The following NYAP2 variants were observed in gnomAD, a reference collection of about 807,000 sequenced individuals.
The protein encoded by NYAP2 is neuronal tyrosine-phosphorylated phosphoinositide-3-kinase adapter 2.
Under a neutral mutation model 50.4 loss-of-function variants are expected in NYAP2, and 23 were observed. The observed-to-expected ratio is 0.46, with a 90% confidence interval of 0.33 to 0.65. NYAP2 has a LOEUF of 0.65. Among genes scored for constraint, NYAP2 ranks in the 30% least tolerant of loss-of-function variants. NYAP2 has a pLI of 0.02. For synonymous variants in NYAP2, 394 were observed against 365.2 expected, an observed-to-expected ratio of 1.08 and a Z score of -0.90; for missense variants, 885 against 861.0, an observed-to-expected ratio of 1.03 and a Z score of -0.35.
At chr2:225,558,043 C>T (rs188926384) in intron 4 of NYAP2, among the ~76,000 whole-genome samples, 34 of 152,208 alleles carry the variant, frequency 2.2e-4, no homozygotes, top group African/African-American at 8.2e-4. Flanking sequence ...CTGTGTACTG[C>T]TTTGGGGATT....
chr2:225,415,512 T>G (rs1695107877), intron 3 of NYAP2, among the ~76,000 whole-genome samples: 1 of 152,146 alleles, frequency 6.6e-6, no homozygotes, highest in Non-Finnish European at 1.5e-5. Flanking sequence ...CCTCTTTAGA[T>G]AGTAATGACT....
intron 4 of NYAP2, among the ~76,000 whole-genome samples, chr2:225,579,337 A>G (rs1574689527): frequency 6.6e-6 from 1 of 152,158 alleles, no homozygotes; most frequent in South Asian, 2.1e-4. Flanking sequence ...TAAGAGCCAT[A>G]TGTTATATTT....
the NYAP2 span, among the ~76,000 whole-genome samples, chr2:225,674,779 A>G: frequency 6.6e-6 from 1 of 152,102 alleles, no homozygotes; most frequent in African/African-American, 2.4e-5. Context: ...AGGGAACAGG[A>G]GGTTAAATTT....
intron 3 of NYAP2, among the ~76,000 whole-genome samples, chr2:225,446,206 CTG>C (rs1356045945): frequency 5.1e-5 from 3 of 59,100 alleles, no homozygotes; most frequent in Admixed American, 1.8e-4. Context: ...GTCTGTCTGT[CTG>C]TCTGTCTGTC....
intron 3 of NYAP2, among the ~76,000 whole-genome samples, chr2:225,488,671 C>G (rs1242131042): frequency 6.6e-6 from 1 of 152,176 alleles, no homozygotes; most frequent in Non-Finnish European, 1.5e-5. Flanking sequence ...CCATACCCAG[C>G]CTTTGACAGG....
At chr2:225,436,909 T>C (rs1279331153) in intron 3 of NYAP2, among the ~76,000 whole-genome samples, 3 of 152,030 alleles carry the variant, frequency 2.0e-5, no homozygotes, top group Non-Finnish European at 4.4e-5. Context: ...CAGAGCCTCA[T>C]TCCTTCAAGT....
At chr2:225,562,850 C>T (rs113283076) in intron 4 of NYAP2, among the ~76,000 whole-genome samples, 15 of 152,178 alleles carry the variant, frequency 9.9e-5, no homozygotes, top group East Asian at 1.9e-4. Flanking sequence ...CAGCTTAGCT[C>T]GGGTGTACTT....
chr2:225,437,694 C>T (rs967307361), intron 3 of NYAP2, among the ~76,000 whole-genome samples: 5 of 152,178 alleles, frequency 3.3e-5, no homozygotes, highest in African/African-American at 9.7e-5. Context: ...AAACAGTGGG[C>T]TATGTGCTTC....
chr2:225,604,715 AT>A lies in NYAP2; in HGVS notation c.1618+21687del, dbSNP rs373333212. The stretch of plus-strand genomic sequence containing the variant: ...ATCTCTCCTCCATATTTATATGTAT[AT>A]TTTTTTCCCCAGGAATACTACGACA... On this transcript the variant is annotated intron_variant, in intron 5 of 6. Transcript: ENST00000636099. Among the ~76,000 whole-genome samples, 84 of 152,110 alleles carry A rather than the reference AT, an allele frequency of 5.5e-4. No individual in the cohort carries two copies. In the South Asian group the frequency reaches 0.015, roughly 27 times the overall value.
rs1442300517 is a variant in NYAP2, at chr2:225,645,961, A to G, written c.1829-5471A>G. Among the ~76,000 whole-genome samples, 7 of 152,330 alleles carry G rather than the reference A, an allele frequency of 4.6e-5. No individual in the cohort carries two copies. The East Asian group carries it at 5.8e-4, about 13-fold the overall frequency. On this transcript the variant is annotated intron_variant, in intron 6 of 6. Transcript: ENST00000636099. ...TTTCTAGAATTTTCAGGATTGCTTC[A>G]GATAATTCTTTTGGTCAAGTTAGTT...
intron 4 of NYAP2, among the ~76,000 whole-genome samples, chr2:225,522,901 T>C (rs1691090365): frequency 6.6e-6 from 1 of 152,188 alleles, no homozygotes; most frequent in African/African-American, 2.4e-5. Context: ...CTGTGCTTTT[T>C]CCTATAAAGA....
At chr2:225,445,817 G>A (rs1339779446) in intron 3 of NYAP2, among the ~76,000 whole-genome samples, 4 of 151,890 alleles carry the variant, frequency 2.6e-5, no homozygotes, top group Non-Finnish European at 5.9e-5. Context: ...AACTATAGAA[G>A]TGTATAGATA....
Position 225,582,070 on chromosome 2 carries a change from G to T in NYAP2, c.653G>T (p.Arg218Leu), listed in dbSNP as rs1363261078. 1 of 1,613,886 alleles carries T rather than the reference G, an allele frequency of 6.2e-7. No homozygotes were observed. The highest frequency in any genetic ancestry group is 1.3e-5 in the African/African-American group (1 of 74,932). ...ACGTACATCAAAAAGCATGGGCCCCGGAGGACGTCGCTGCCGCGGGACTCC... is the reference window on the plus strand; with the variant it reads ...ACGTACATCAAAAAGCATGGGCCCCTGAGGACGTCGCTGCCGCGGGACTCC... The change falls in exon 5 of 7, where the codon CGG becomes CTG. Residue 218 changes from arginine to leucine, a missense_variant. By Grantham distance (102) the Arg-to-Leu change is moderately radical (BLOSUM62 -2). Transcript: ENST00000636099. The surrounding 1 kb of genome is among the most constrained non-coding windows in gnomAD (Gnocchi z 7.0).
At chr2:225,655,907 CACACACACACACACACACACAT>C (rs1559242678), downstream of NYAP2, among the ~76,000 whole-genome samples, 1 of 144,736 alleles carries the variant, frequency 6.9e-6, no homozygotes, top group South Asian at 2.2e-4. Context: ...CACACACACA[CACACACACACACACACACACAT>C]ACACACATAC....
At chr2:225,512,896 C>G (rs61702099) in intron 3 of NYAP2, among the ~76,000 whole-genome samples, 2,054 of 121,102 alleles carry the variant, frequency 0.017, 63 homozygotes, top group African/African-American at 0.059. Flanking sequence ...TTCCTTCCTT[C>G]CTTTCCTTTC....
chr2:225,692,894 T>C, the NYAP2 span, among the ~76,000 whole-genome samples: 126 of 149,858 alleles, frequency 8.4e-4, no homozygotes, highest in Admixed American at 2.4e-3. Flanking sequence ...CACACACACA[T>C]ATATTTACAC....
chr2:225,529,059 A>G (rs903198400), intron 4 of NYAP2, among the ~76,000 whole-genome samples: 5 of 152,224 alleles, frequency 3.3e-5, no homozygotes, highest in African/African-American at 9.6e-5. Flanking sequence ...TTGCATTTAT[A>G]TGAAAGCATT....
chr2:225,664,972 C>T, the NYAP2 span, among the ~76,000 whole-genome samples: 5 of 152,132 alleles, frequency 3.3e-5, no homozygotes, highest in Non-Finnish European at 5.9e-5. Flanking sequence ...TCGAGTGATA[C>T]AAGTATATAT....
At chr2:225,434,609 A>G (rs1002951048) in intron 3 of NYAP2, among the ~76,000 whole-genome samples, 5 of 152,194 alleles carry the variant, frequency 3.3e-5, no homozygotes, top group African/African-American at 1.2e-4. Flanking sequence ...GGTGCTGCAT[A>G]ACACCAGCTG....
Sources: gnomAD v4.1 joint callset for allele counts (sites outside exome capture counted in the v4.1 genomes callset) on GRCh38, gnomAD v4.1.1 for gene constraint, Gnocchi (gnomAD v3.1) non-coding constraint, MANE v1.5 for transcripts, NCBI Gene and HGNC (gene_info 2026-07-23, HGNC 2026-07-21) for gene names.